SHISA6: variants seen among roughly 807,000 people sequenced by gnomAD.
SHISA6 encodes protein shisa-6.
Under a neutral mutation model 47.9 loss-of-function variants are expected in SHISA6, and 22 were observed. The ratio of observed to expected loss-of-function variants is 0.46; its 90% confidence interval spans 0.33 to 0.66. The LOEUF is 0.66. Among genes scored for constraint, SHISA6 ranks in the 30% least tolerant of loss-of-function variants. The probability of loss-of-function intolerance (pLI) is 0.02; values close to 1 mark genes in which losing one functional copy is unlikely to be tolerated. For missense variants in SHISA6, 680 were observed against 764.6 expected, an observed-to-expected ratio of 0.89 and a Z score of 1.30; for synonymous variants, 388 against 337.8, an observed-to-expected ratio of 1.15 and a Z score of -1.63.
At chr17:11,488,795 C>T (rs1567619166) in intron 3 of SHISA6, among the ~76,000 whole-genome samples, 1 of 152,228 alleles carries the variant, frequency 6.6e-6, no homozygotes, top group Non-Finnish European at 1.5e-5. Context: ...ATTATATGCT[C>T]ATCCCTGAAT....
At chr17:11,521,148 AT>A (rs1567628016) in intron 3 of SHISA6, among the ~76,000 whole-genome samples, 1 of 152,214 alleles carries the variant, frequency 6.6e-6, no homozygotes, top group Non-Finnish European at 1.5e-5. Context: ...ATGTTCCCTC[AT>A]TTTTATTTGC....
intron 3 of SHISA6, among the ~76,000 whole-genome samples, chr17:11,434,578 A>T (rs1348949783): frequency 6.6e-6 from 1 of 152,200 alleles, no homozygotes; most frequent in Non-Finnish European, 1.5e-5. Context: ...AAGAGGTGCA[A>T]CTAAGTTTAG....
chr17:11,538,789 G>T (rs926747174), intron 3 of SHISA6, among the ~76,000 whole-genome samples: 4 of 152,200 alleles, frequency 2.6e-5, no homozygotes, highest in Admixed American at 2.6e-4. Context: ...CCTGGTGGTA[G>T]TTAAAATACT....
At chr17:11,533,035 T>G (rs965338197) in intron 3 of SHISA6, among the ~76,000 whole-genome samples, 1 of 152,188 alleles carries the variant, frequency 6.6e-6, no homozygotes, top group African/African-American at 2.4e-5. Flanking sequence ...GAGCTGTGCC[T>G]GTTAGCTATG....
At chr17:11,308,991 G>T (rs778651456) in intron 2 of SHISA6, among the ~76,000 whole-genome samples, 84 of 152,196 alleles carry the variant, frequency 5.5e-4, no homozygotes, top group Non-Finnish European at 9.3e-4. Context: ...TTGAGACAGG[G>T]TCTTGCTCTG....
At chr17:11,374,425 A>G (rs928517208) in intron 2 of SHISA6, among the ~76,000 whole-genome samples, 4 of 151,840 alleles carry the variant, frequency 2.6e-5, no homozygotes, top group African/African-American at 7.3e-5. Flanking sequence ...GATCATTAAC[A>G]TATTCTCTCT....
chr17:11,513,627 GT>G (rs1014539865), intron 3 of SHISA6, among the ~76,000 whole-genome samples: 5 of 152,278 alleles, frequency 3.3e-5, no homozygotes, highest in African/African-American at 7.2e-5. Context: ...TTCCTAGCCT[GT>G]TTTTCTCCTG....
chr17:11,435,196 C>T (rs369478633), intron 3 of SHISA6, among the ~76,000 whole-genome samples: 1 of 151,762 alleles, frequency 6.6e-6, no homozygotes, highest in East Asian at 1.9e-4. Context: ...AAGGGAAAAA[C>T]ATTCTTTTTG....
intron 3 of SHISA6, among the ~76,000 whole-genome samples, chr17:11,535,180 A>G (rs1485966650): frequency 2.0e-5 from 3 of 152,148 alleles, no homozygotes; most frequent in African/African-American, 7.2e-5. Context: ...TGGTGCAGGA[A>G]AGCAGGTATA....
intron 2 of SHISA6, among the ~76,000 whole-genome samples, chr17:11,338,633 T>A (rs1911408071): frequency 6.6e-6 from 1 of 151,864 alleles, no homozygotes; most frequent in African/African-American, 2.4e-5. Flanking sequence ...ATGGTCTCAA[T>A]CTCTTGACCT....
At chr17:11,385,997 C>T (rs1913182983) in intron 3 of SHISA6, among the ~76,000 whole-genome samples, 1 of 152,028 alleles carries the variant, frequency 6.6e-6, no homozygotes, top group African/African-American at 2.4e-5. Context: ...GAGGGGGGAA[C>T]ATCTACTCAG....
At chr17:11,380,940 G>A (rs1912985259) in intron 3 of SHISA6, among the ~76,000 whole-genome samples, 1 of 152,184 alleles carries the variant, frequency 6.6e-6, no homozygotes, top group Admixed American at 6.5e-5. Flanking sequence ...TCCTCAGGGT[G>A]GGTAATCAGA....
chr17:11,335,355 A>G (rs1230496325), intron 2 of SHISA6, among the ~76,000 whole-genome samples: 3 of 152,272 alleles, frequency 2.0e-5, no homozygotes, highest in South Asian at 2.1e-4. Context: ...GCTTGAGTCA[A>G]TGCGTGAACA....
chr17:11,421,114 T>C (rs1480399445), intron 3 of SHISA6, among the ~76,000 whole-genome samples: 1 of 152,222 alleles, frequency 6.6e-6, no homozygotes, highest in Non-Finnish European at 1.5e-5. Flanking sequence ...GTAGTGGATA[T>C]TGAATCTCTC....
chr17:11,447,359 A>G (rs959807441), intron 3 of SHISA6, among the ~76,000 whole-genome samples: 1 of 152,196 alleles, frequency 6.6e-6, no homozygotes, highest in Non-Finnish European at 1.5e-5. Context: ...CCAAAATACT[A>G]TGGGGAACAT....
chr17:11,338,463 A>G (rs1029841219), intron 2 of SHISA6, among the ~76,000 whole-genome samples: 8 of 152,030 alleles, frequency 5.3e-5, no homozygotes, highest in African/African-American at 1.9e-4. Flanking sequence ...GTGCAGTGGC[A>G]TGATCTCGGC....
chr17:11,562,512 C>G lies in SHISA6; in HGVS notation c.*4208C>G. The G allele has an allele frequency of 6.6e-6, 1 of 152,040 alleles. No homozygotes were observed. Among genetic ancestry groups the G allele is most frequent in the African/African-American group, 2.4e-5 (1 of 41,396 alleles). 9.4% of individuals were successfully genotyped at this position (152,040 alleles called of 1,614,324 possible). ...TTTTATAAATGCAGCATTTTAATGG[C>G]AGATTCAATATGAAGGACATGTCTT... On this transcript the variant is annotated 3_prime_UTR_variant, in exon 6 of 6. Coordinates refer to ENST00000441885, the MANE Select transcript of SHISA6 (RefSeq NM_207386.4).
chr17:11,261,229 G>A (rs1174637691), intron 1 of SHISA6, among the ~76,000 whole-genome samples: 2 of 152,206 alleles, frequency 1.3e-5, no homozygotes, highest in African/African-American at 2.4e-5. Context: ...TACTGGGAAA[G>A]GAAGGATCCT....
intron 3 of SHISA6, among the ~76,000 whole-genome samples, chr17:11,449,717 C>A (rs142563962): frequency 2.6e-5 from 4 of 152,152 alleles, no homozygotes; most frequent in Non-Finnish European, 5.9e-5. Context: ...GTTCTGGAGG[C>A]CAGAAACCTC....
Sources: allele counts gnomAD v4.1 joint callset (sites outside exome capture counted in the v4.1 genomes callset), GRCh38; gene constraint gnomAD v4.1.1; transcripts MANE v1.5; gene names NCBI Gene and HGNC (gene_info 2026-07-23, HGNC 2026-07-21).